Variants in KLF8 observed in about 807,000 individuals in gnomAD.
KLF8 encodes the protein KLF transcription factor 8.
Under a neutral mutation model 18.2 loss-of-function variants are expected in KLF8, and 10 were observed. The observed-to-expected ratio is 0.55, with a 90% CI of 0.34 to 0.93. The LOEUF is 0.93. Among genes scored for constraint, KLF8 ranks in the 40% least tolerant of loss-of-function variants. The pLI is 0.02. For synonymous variants in KLF8, 109 were observed against 97.3 expected (o/e 1.12, Z -0.71); for missense variants, 264 against 277.9 (o/e 0.95, Z 0.36).
rs1022677976 is a variant in KLF8 at position 56,290,775 on chromosome X, G to C, written c.*6281G>C. Among the ~76,000 whole-genome samples, 3 of 111,333 alleles carry C rather than the reference G, an allele frequency of 2.7e-5. No individual in the cohort carries two copies. The highest frequency in any genetic ancestry group is 5.6e-4 in the East Asian group (2 of 3,544). On this transcript the variant is annotated 3_prime_UTR_variant, in exon 6 of 6. Coordinates refer to ENST00000468660, the MANE Select transcript of KLF8 (RefSeq NM_007250.5). ...AGGGAAGTTGGGTAGGGTGGTTGGG[G>C]GTGGGAGTGGGTTGGAAGAGGATGG...
chrX:56,057,329 G>A, the KLF8 span, among the ~76,000 whole-genome samples: 1 of 111,131 alleles, frequency 9.0e-6, no homozygotes, highest in African/African-American at 3.3e-5. Context: ...CTGCAATGGT[G>A]GTTTGTGGAG....
the KLF8 span, among the ~76,000 whole-genome samples, chrX:56,089,520 T>C: frequency 8.9e-6 from 1 of 111,999 alleles, no homozygotes; most frequent in Non-Finnish European, 1.9e-5. Flanking sequence ...ACAGAGATTA[T>C]CACTCCTGTC....
At chrX:55,940,390 A>G in the KLF8 span, among the ~76,000 whole-genome samples, 3 of 111,759 alleles carry the variant, frequency 2.7e-5, no homozygotes, top group Non-Finnish European at 5.6e-5. Context: ...AAATAATAAG[A>G]GCTATCTATG....
the KLF8 span, among the ~76,000 whole-genome samples, chrX:56,189,119 C>T: frequency 4.5e-5 from 5 of 111,655 alleles, no homozygotes; most frequent in African/African-American, 9.8e-5. Context: ...GCAATCTACT[C>T]ATCTGACAAA....
At chrX:56,146,670 A>G in the KLF8 span, among the ~76,000 whole-genome samples, 1 of 106,970 alleles carries the variant, frequency 9.3e-6, no homozygotes, top group Non-Finnish European at 1.9e-5. Flanking sequence ...TGTGTAACAA[A>G]CCTGCACGTT....
intron 1 of KLF8, among the ~76,000 whole-genome samples, chrX:56,241,988 G>A (rs1202869324): frequency 8.9e-6 from 1 of 112,076 alleles, no homozygotes; most frequent in Admixed American, 9.5e-5. Context: ...TACATAAAGT[G>A]ACGAGACTTG....
rs2067259197 is a variant in KLF8, at chrX:56,285,542, A to G, written c.*1048A>G. ...AGAAATCACACACTAGGGTCATGTT[A>G]TACAGAAGTAAGGGGTTGGAAAAAT... On this transcript the variant is annotated 3_prime_UTR_variant, in exon 6 of 6. Coordinates refer to ENST00000468660, the MANE Select transcript of KLF8 (RefSeq NM_007250.5). 1 of 111,709 alleles carries G rather than the reference A, an allele frequency of 9.0e-6. No individual in the cohort carries two copies. The highest frequency in any genetic ancestry group is 1.9e-5 in the Non-Finnish European group (1 of 53,123). The allele number at this position is 111,709 out of a possible 1,213,427, so 9.2% of individuals were successfully genotyped here.
chrX:56,061,879 C>A, the KLF8 span, among the ~76,000 whole-genome samples: 1 of 110,264 alleles, frequency 9.1e-6, no homozygotes, highest in African/African-American at 3.3e-5. Flanking sequence ...CGATAGTTAC[C>A]TCTTCTTGTT....
the KLF8 span, among the ~76,000 whole-genome samples, chrX:56,213,424 C>G: frequency 1.0e-5 from 1 of 98,146 alleles, no homozygotes; most frequent in African/African-American, 3.8e-5. Context: ...CAGGTTCAAG[C>G]AATTCTCCTG....
chrX:55,947,143 A>G, the KLF8 span, among the ~76,000 whole-genome samples: 1 of 111,184 alleles, frequency 9.0e-6, no homozygotes, highest in Admixed American at 9.6e-5. Context: ...CTGAGTATAT[A>G]CCCAAAGGAC....
the KLF8 span, among the ~76,000 whole-genome samples, chrX:56,215,764 A>G: frequency 1.1e-5 from 1 of 90,053 alleles, no homozygotes; most frequent in Non-Finnish European, 2.1e-5. Flanking sequence ...TGGAGGTTCC[A>G]GTGAGCTAAG....
the KLF8 span, among the ~76,000 whole-genome samples, chrX:55,965,915 G>A: frequency 8.9e-6 from 1 of 111,829 alleles, no homozygotes; most frequent in African/African-American, 3.3e-5. Flanking sequence ...CTGATATGAA[G>A]TTTGTGTCTC....
At chrX:56,094,391 TA>T in the KLF8 span, among the ~76,000 whole-genome samples, 1 of 111,131 alleles carries the variant, frequency 9.0e-6, no homozygotes, top group Non-Finnish European at 1.9e-5. Context: ...AATGACTAAG[TA>T]CAAATTATCC....
chrX:55,915,641 T>G, the KLF8 span, among the ~76,000 whole-genome samples: 4 of 112,166 alleles, frequency 3.6e-5, no homozygotes, highest in African/African-American at 1.3e-4. Flanking sequence ...GCAGATGATT[T>G]CACATAAAAT....
chrX:56,053,515 G>A, the KLF8 span, among the ~76,000 whole-genome samples: 1 of 95,321 alleles, frequency 1.0e-5, no homozygotes, highest in South Asian at 5.4e-4. Context: ...TCAGGATCGT[G>A]AAATAATTTA....
At chrX:56,135,102 G>A in the KLF8 span, among the ~76,000 whole-genome samples, 1 of 111,652 alleles carries the variant, frequency 9.0e-6, no homozygotes, top group Non-Finnish European at 1.9e-5. Context: ...CACTGTTGGT[G>A]GGACTGGAAA....
At chrX:56,252,347 A>G in intron 2 of KLF8, among the ~76,000 whole-genome samples, 1 of 111,145 alleles carries the variant, frequency 9.0e-6, no homozygotes, top group Non-Finnish European at 1.9e-5. Flanking sequence ...CACATTCACC[A>G]TGACCACCTC....
the KLF8 span, among the ~76,000 whole-genome samples, chrX:55,967,109 T>C: frequency 1.8e-5 from 2 of 111,439 alleles, no homozygotes; most frequent in Non-Finnish European, 3.8e-5. Flanking sequence ...GAAGAACACC[T>C]ACAAGACCTG....
the KLF8 span, among the ~76,000 whole-genome samples, chrX:56,187,553 G>T: frequency 9.0e-5 from 10 of 111,245 alleles, no homozygotes; most frequent in Non-Finnish European, 1.9e-4. Context: ...TACCAAAGCC[G>T]GGCAGAGACA....
Sources: allele counts gnomAD v4.1 joint callset (sites outside exome capture counted in the v4.1 genomes callset), GRCh38; gene constraint gnomAD v4.1.1; transcripts MANE v1.5; gene names NCBI Gene and HGNC (gene_info 2026-07-23, HGNC 2026-07-21).